OXR1: variants seen among roughly 807,000 people sequenced by gnomAD.
The protein encoded by OXR1 is oxidation resistance 1.
OXR1 carries 41 observed loss-of-function variants against 104.6 expected under a neutral mutation model. The observed-to-expected ratio is 0.39, with a 90% CI of 0.31 to 0.51. The LOEUF is 0.51. Ranked by LOEUF, OXR1 falls within the 20% of genes least tolerant of loss-of-function variation. The pLI is 0.77. For synonymous variants in OXR1, 348 were observed against 348.4 expected (o/e 1.00, Z 0.01); for missense variants, 955 against 1,031.9 (o/e 0.93, Z 1.02).
chr8:106,352,987 A>G (rs1456395121), intron 1 of OXR1, among the ~76,000 whole-genome samples: 1 of 152,204 alleles, frequency 6.6e-6, no homozygotes, highest in African/African-American at 2.4e-5. Context: ...CTCTAGAGAA[A>G]GTTTACCTTA....
chr8:106,558,922 G>A (rs140219207), intron 3 of OXR1, among the ~76,000 whole-genome samples: 84 of 152,208 alleles, frequency 5.5e-4, no homozygotes, highest in African/African-American at 1.8e-3. Flanking sequence ...CTTGGAAATA[G>A]GGCAACAATT....
At chr8:106,547,492 C>CTTTTTTTT (rs60073341) in intron 3 of OXR1, among the ~76,000 whole-genome samples, 13 of 116,574 alleles carry the variant, frequency 1.1e-4, no homozygotes, top group African/African-American at 1.3e-4. Flanking sequence ...TTCTTTCTTT[C>CTTTTTTTT]TTTTTTTTTT....
At chr8:106,502,917 A>C (rs769999291) in intron 2 of OXR1, among the ~76,000 whole-genome samples, 14 of 152,174 alleles carry the variant, frequency 9.2e-5, no homozygotes, top group Non-Finnish European at 1.6e-4. Context: ...AAACAAATCC[A>C]CACGAATATT....
chr8:106,687,797 A>T (rs748099942), intron 6 of OXR1, among the ~76,000 whole-genome samples: 18 of 151,868 alleles, frequency 1.2e-4, no homozygotes, highest in Non-Finnish European at 2.5e-4. Context: ...TTTATAGAGG[A>T]GGAAACAGAG....
chr8:106,447,897 C>G, intron 2 of OXR1: 1 of 1,505,022 alleles, frequency 6.6e-7, no homozygotes, highest in South Asian at 1.3e-5. Flanking sequence ...AACAGCCGGG[C>G]TCCTGGCGGA....
intron 3 of OXR1, among the ~76,000 whole-genome samples, chr8:106,568,710 C>T (rs886517486): frequency 6.6e-6 from 1 of 152,066 alleles, no homozygotes; most frequent in African/African-American, 2.4e-5. Context: ...CTCATTGCTC[C>T]TTTCCAACAA....
At chr8:106,613,012 A>G (rs1820931598) in intron 3 of OXR1, among the ~76,000 whole-genome samples, 1 of 152,182 alleles carries the variant, frequency 6.6e-6, no homozygotes, top group South Asian at 2.1e-4. Context: ...AGTGCAGCTC[A>G]GGGAAAACAG....
At chr8:106,721,008 C>T (rs574199712) in intron 11 of OXR1, among the ~76,000 whole-genome samples, 17 of 152,198 alleles carry the variant, frequency 1.1e-4, no homozygotes, top group African/African-American at 3.6e-4. Flanking sequence ...CATCATTTAT[C>T]ATGAGACATT....
chr8:106,657,877 C>T (rs1291608995), intron 3 of OXR1: 3 of 1,241,794 alleles, frequency 2.4e-6, no homozygotes, highest in East Asian at 6.3e-5. Flanking sequence ...CGCGCGGAGC[C>T]GCCTCCCCTG....
intron 1 of OXR1, among the ~76,000 whole-genome samples, chr8:106,289,956 GA>G (rs919904749): frequency 1.2e-4 from 18 of 152,158 alleles, no homozygotes; most frequent in African/African-American, 4.1e-4. Context: ...GCCATGTGAA[GA>G]AGGACATGTT....
At chr8:106,609,654 T>C (rs1271066860) in intron 3 of OXR1, among the ~76,000 whole-genome samples, 2 of 152,154 alleles carry the variant, frequency 1.3e-5, no homozygotes, top group African/African-American at 4.8e-5. Context: ...AGAATGCAGA[T>C]GACAGATTAC....
chr8:106,747,513 C>T (rs1835492442), intron 16 of OXR1, among the ~76,000 whole-genome samples: 1 of 152,152 alleles, frequency 6.6e-6, no homozygotes. Flanking sequence ...TACTTTTATT[C>T]CTTCCACTTC....
At position 106,706,392 on chromosome 8, in the gene OXR1, C is replaced by A; in HGVS notation, c.871C>A (p.Gln291Lys). 1 of 1,565,904 alleles carries A rather than the reference C, an allele frequency of 6.4e-7. No individual in the cohort carries two copies. ...TTTGTTTAATGACAGAGATATAGATCAGCTATCAGGAAGGGACTTCTGCCA... is the reference window on the plus strand; with the variant it reads ...TTTGTTTAATGACAGAGATATAGATAAGCTATCAGGAAGGGACTTCTGCCA... The part of the protein sequence containing the change: ...IKESLPIDID[Q>K]LSGRDFCHSK... Residue 291 changes from glutamine to lysine, a missense_variant, in exon 9 of 17, where the codon CAG becomes AAG. This residue lies in a region of OXR1 where 849 missense variants were observed against 852.9 expected (regional missense o/e 1.00). Coordinates refer to ENST00000517566, the MANE Select transcript of OXR1 (RefSeq NM_001198533.2).
intron 2 of OXR1, among the ~76,000 whole-genome samples, chr8:106,449,998 A>T (rs1820226212): frequency 6.6e-6 from 1 of 152,174 alleles, no homozygotes; most frequent in African/African-American, 2.4e-5. Flanking sequence ...ATATTTCATG[A>T]AGTCATATAT....
At chr8:106,634,257 C>T (rs1822952218) in intron 3 of OXR1, among the ~76,000 whole-genome samples, 3 of 152,182 alleles carry the variant, frequency 2.0e-5, no homozygotes, top group Admixed American at 2.0e-4. Context: ...CTCTGAGGGT[C>T]CTGCCTAGTT....
chr8:106,676,963 G>T (rs976222516), intron 3 of OXR1, among the ~76,000 whole-genome samples: 1 of 151,982 alleles, frequency 6.6e-6, no homozygotes, highest in African/African-American at 2.4e-5. Flanking sequence ...TTCTTGCCCT[G>T]AACTGCATTC....
At chr8:106,616,773 T>C (rs1821275108) in intron 3 of OXR1, among the ~76,000 whole-genome samples, 1 of 152,222 alleles carries the variant, frequency 6.6e-6, no homozygotes, top group Non-Finnish European at 1.5e-5. Flanking sequence ...CATCACCTTG[T>C]ACTAACTCTG....
intron 1 of OXR1, among the ~76,000 whole-genome samples, chr8:106,286,176 T>G (rs1166104097): frequency 3.9e-5 from 6 of 152,168 alleles, no homozygotes; most frequent in Non-Finnish European, 1.5e-5. Context: ...GATTCTTGCC[T>G]AGTGCAGCTG....
chr8:106,465,011 G>A (rs1462653788), intron 2 of OXR1, among the ~76,000 whole-genome samples: 2 of 152,002 alleles, frequency 1.3e-5, no homozygotes, highest in East Asian at 3.9e-4. Context: ...CAGGAGGAAA[G>A]GGGAGATAAG....
Sources: gnomAD v4.1 joint callset for allele counts (sites outside exome capture counted in the v4.1 genomes callset) on GRCh38, gnomAD v4.1.1 for gene constraint, gnomAD v4.1.1 regional missense constraint, MANE v1.5 for transcripts, NCBI Gene and HGNC (gene_info 2026-07-23, HGNC 2026-07-21) for gene names.